MSRB3: variants seen among roughly 807,000 people sequenced by gnomAD.
MSRB3 encodes methionine sulfoxide reductase B3.
Under a neutral mutation model 21.0 loss-of-function variants are expected in MSRB3, and 13 were observed. The observed-to-expected ratio is 0.62, with a 90% CI of 0.40 to 0.98. The LOEUF is 0.98. MSRB3 is among the 50% of genes least tolerant of loss of function. MSRB3 has a pLI of 0.00. For synonymous variants in MSRB3, 87 were observed against 88.6 expected (o/e 0.98, Z 0.10); for missense variants, 199 against 230.3 (o/e 0.86, Z 0.88).
chr12:65,320,650 G>A (rs1218622224), intron 2 of MSRB3, among the ~76,000 whole-genome samples: 1 of 152,160 alleles, frequency 6.6e-6, no homozygotes, highest in East Asian at 1.9e-4. Context: ...CCTGCACTCT[G>A]ATCATACGTT....
At chr12:65,287,419 C>A (rs181835773) in intron 1 of MSRB3, among the ~76,000 whole-genome samples, 1 of 152,154 alleles carries the variant, frequency 6.6e-6, no homozygotes, top group Non-Finnish European at 1.5e-5. Flanking sequence ...TGAGCCTCCA[C>A]GCCCAGTACA....
chr12:65,440,435 T>A (rs187956801), intron 5 of MSRB3, among the ~76,000 whole-genome samples: 63 of 151,980 alleles, frequency 4.1e-4, no homozygotes, highest in Admixed American at 7.9e-4. Flanking sequence ...AGAAGAAAAC[T>A]GTTATCAATT....
rs545784944 is a variant in MSRB3, at chr12:65,434,475, A to G, written c.293-19253A>G. On this transcript the variant is annotated intron_variant, in intron 5 of 6. Transcript: ENST00000308259. Reference sequence around the variant, plus strand: ...TATCACCAAGTAAGTTTTATTGTATAATAGGTGTTGATAGGTGTCATAGCC... The same window carrying G: ...TATCACCAAGTAAGTTTTATTGTATGATAGGTGTTGATAGGTGTCATAGCC... Among the ~76,000 whole-genome samples, 300 of 152,052 alleles carry G rather than the reference A, an allele frequency of 2.0e-3. 1 individual carries two copies. The highest frequency in any genetic ancestry group is 6.8e-3 in the African/African-American group (281 of 41,542).
chr12:65,445,845 A>G (rs1399454173), intron 5 of MSRB3, among the ~76,000 whole-genome samples: 3 of 151,868 alleles, frequency 2.0e-5, no homozygotes, highest in African/African-American at 7.3e-5. Context: ...GGGTTTCACC[A>G]TGTTGCCCAG....
intron 5 of MSRB3, among the ~76,000 whole-genome samples, chr12:65,410,040 G>A (rs1041216632): frequency 1.3e-5 from 2 of 151,480 alleles, no homozygotes; most frequent in Non-Finnish European, 2.9e-5. Flanking sequence ...ATGATATCTG[G>A]CGTGTTGTAT....
At chr12:65,365,115 AT>A (rs1487367717) in intron 4 of MSRB3, among the ~76,000 whole-genome samples, 8 of 151,818 alleles carry the variant, frequency 5.3e-5, no homozygotes, top group Non-Finnish European at 5.9e-5. Context: ...TTCTATAGAC[AT>A]TTTGATCATT....
chr12:65,380,242 A>G (rs1403935523), intron 5 of MSRB3, among the ~76,000 whole-genome samples: 4 of 152,186 alleles, frequency 2.6e-5, no homozygotes, highest in African/African-American at 9.6e-5. Flanking sequence ...TGCTAAATGT[A>G]TTTGAGGAAC....
intron 5 of MSRB3, among the ~76,000 whole-genome samples, chr12:65,422,436 T>A (rs183084562): frequency 0.037 from 3,587 of 97,466 alleles, 91 homozygotes; most frequent in Non-Finnish European, 0.054. Flanking sequence ...ATATATTTAT[T>A]TATTTATTTA....
chr12:65,369,588 T>G (rs1878207459), intron 5 of MSRB3, among the ~76,000 whole-genome samples: 1 of 152,162 alleles, frequency 6.6e-6, no homozygotes, highest in Non-Finnish European at 1.5e-5. Flanking sequence ...ATCAGCCTCT[T>G]TAGACATTTT....
intron 4 of MSRB3, among the ~76,000 whole-genome samples, chr12:65,349,092 T>C (rs1876747967): frequency 6.6e-6 from 1 of 151,910 alleles, no homozygotes; most frequent in Non-Finnish European, 1.5e-5. Context: ...CAGAGTGTGA[T>C]ATTCCCCTTC....
chr12:65,392,664 C>A (rs1168265639), intron 5 of MSRB3, among the ~76,000 whole-genome samples: 1 of 152,148 alleles, frequency 6.6e-6, no homozygotes, highest in East Asian at 1.9e-4. Flanking sequence ...TTCTAAGATC[C>A]AGAATCTTGG....
chr12:65,451,684 G>A (rs936084514), intron 5 of MSRB3, among the ~76,000 whole-genome samples: 4 of 152,070 alleles, frequency 2.6e-5, no homozygotes, highest in Non-Finnish European at 5.9e-5. Context: ...ATAAAGAGGC[G>A]TAATCACAGT....
intron 4 of MSRB3, among the ~76,000 whole-genome samples, chr12:65,339,798 C>T (rs989278796): frequency 6.6e-6 from 1 of 152,088 alleles, no homozygotes; most frequent in Non-Finnish European, 1.5e-5. Flanking sequence ...TGGGGGCAAA[C>T]AAAAGATAGA....
At chr12:65,387,154 G>A (rs1879234224) in intron 5 of MSRB3, among the ~76,000 whole-genome samples, 1 of 151,926 alleles carries the variant, frequency 6.6e-6, no homozygotes, top group African/African-American at 2.4e-5. Flanking sequence ...AGAATGAAAG[G>A]CAATGAACAA....
At chr12:65,364,695 A>C (rs527435282) in intron 4 of MSRB3, among the ~76,000 whole-genome samples, 2 of 152,200 alleles carry the variant, frequency 1.3e-5, no homozygotes, top group Admixed American at 1.3e-4. Context: ...TTCCCTTCTC[A>C]AAGGGGATTT....
rs192191856 is a variant in MSRB3, at chr12:65,387,567, A to G, written c.292+18541A>G. On this transcript the variant is annotated intron_variant, in intron 5 of 6. Coordinates refer to ENST00000308259, the MANE Select transcript of MSRB3 (RefSeq NM_001031679.3). ...CTTATTTTTCTTTGGTGAGGCTGGA[A>G]ATAAGAGCAGGGCTTGAGTCAGACA... 3.0e-3 allele frequency among the ~76,000 whole-genome samples: 452 copies of G among 152,288 alleles called. 1 individual carries two copies. Among genetic ancestry groups the G allele is most frequent in the African/African-American group, 0.01 (424 of 41,568 alleles).
intron 4 of MSRB3, among the ~76,000 whole-genome samples, chr12:65,329,120 A>G (rs754638890): frequency 2.2e-4 from 33 of 152,216 alleles, no homozygotes; most frequent in Admixed American, 1.6e-3. Flanking sequence ...TTTTGCATAG[A>G]TTCAAAATCT....
chr12:65,369,061 T>A (rs779826346), intron 5 of MSRB3, 35 bp downstream of exon 5: 18 of 1,450,932 alleles, frequency 1.2e-5, no homozygotes, highest in Non-Finnish European at 1.6e-5. Context: ...TCTGAATATA[T>A]TTTATTTACA....
At chr12:65,400,388 T>G (rs1880057663) in intron 5 of MSRB3, among the ~76,000 whole-genome samples, 1 of 152,194 alleles carries the variant, frequency 6.6e-6, no homozygotes, top group African/African-American at 2.4e-5. Context: ...TTTTCTAGCT[T>G]ATTTTTGTAG....
Sources: allele counts gnomAD v4.1 joint callset (sites outside exome capture counted in the v4.1 genomes callset), GRCh38; gene constraint gnomAD v4.1.1; transcripts MANE v1.5; gene names NCBI Gene and HGNC (gene_info 2026-07-23, HGNC 2026-07-21).